Variants in DNAH10 observed in about 807,000 individuals in gnomAD.
The protein encoded by DNAH10 is dynein axonemal heavy chain 10.
Under a neutral mutation model 506.6 loss-of-function variants are expected in DNAH10, and 348 were observed. That is an observed-to-expected ratio of 0.69 (90% CI 0.63 to 0.75). The LOEUF (loss-of-function observed/expected upper bound fraction) is 0.75, where lower values mean the gene tolerates loss of function less well. Among genes scored for constraint, DNAH10 ranks in the 30% least tolerant of loss-of-function variants. The pLI, the probability that DNAH10 is intolerant of heterozygous loss-of-function variation, is 0.00. For synonymous variants in DNAH10, 2,059 were observed against 2,198.6 expected (o/e 0.94, Z 1.78); for missense variants, 5,179 against 5,787.1 (o/e 0.89, Z 3.41).
At chr12:123,766,983 G>C (rs2135955964) in intron 1 of DNAH10, among the ~76,000 whole-genome samples, 1 of 147,696 alleles carries the variant, frequency 6.8e-6, no homozygotes, top group Admixed American at 6.8e-5. Flanking sequence ...TCGGCTCACT[G>C]CAACCTCCGC....
chr12:123,774,032 C>A (rs1237427302), intron 4 of DNAH10, 117 bp from the exon 5 acceptor site: 10 of 705,466 alleles, frequency 1.4e-5, no homozygotes, highest in Non-Finnish European at 2.1e-5. Context: ...GAATCTGTAA[C>A]CAGAACATTC....
rs139719970 is a variant in DNAH10 at position 123,767,984 on chromosome 12, A to AG, written c.298+297dup. 2.7e-4 allele frequency among the ~76,000 whole-genome samples: 41 copies of AG among 152,248 alleles called. No homozygotes were observed. In the East Asian group the frequency reaches 7.5e-3, roughly 28 times the overall value. On this transcript the variant is annotated intron_variant, in intron 2 of 78. Coordinates refer to ENST00000673944, the MANE Select transcript of DNAH10 (RefSeq NM_001372106.1). The stretch of plus-strand genomic sequence containing the variant: ...GCGCTCCCTCTGCAGGACCAAGGGG[A>AG]GGATCCTTCCTAGCCTCCTCACTGC...
rs1954890783 is a variant in DNAH10 at position 123,925,205 on chromosome 12, G to GT, written c.11921+2dup. ...ATGTGACTGTAACAATGGGAGAGAAGTAAGTGTGTCGTTTTGTTGATTTGC... is the reference window on the plus strand; with the variant it reads ...ATGTGACTGTAACAATGGGAGAGAAGTTAAGTGTGTCGTTTTGTTGATTTGC... On this transcript the variant is annotated splice_donor_variant, in intron 68 of 78. Transcript: ENST00000673944. LOFTEE classifies it high-confidence loss of function. This position sits in a 1 kb window ranked among gnomAD's most constrained non-coding sequence, Gnocchi z 4.0. The GT allele has an allele frequency of 2.5e-6, 4 of 1,613,822 alleles. No individual in the cohort carries two copies. The highest frequency in any genetic ancestry group is 2.5e-6 in the Non-Finnish European group (3 of 1,179,830).
At chr12:123,771,556 C>T in intron 2 of DNAH10, 45 bp from the exon 3 acceptor site, 1 of 1,554,312 alleles carries the variant, frequency 6.4e-7, no homozygotes, top group African/African-American at 1.4e-5. Context: ...GGTAGGAAAC[C>T]TAATTTTCTG....
At position 123,801,310 on chromosome 12, in the gene DNAH10, AT is replaced by A; in HGVS notation, c.2493del (p.His832IlefsTer6). ...RYTAGIQRMLDHYHMLIGTLN... is the reference protein window; with the variant it reads ...RYTAGIQRMLXHYHMLIGTLN... ...ACAGCTGGGATACAGCGCATGTTGGATCATTATCACATGCTCATAGGAACGT... is the reference window on the plus strand; with the variant it reads ...ACAGCTGGGATACAGCGCATGTTGGACATTATCACATGCTCATAGGAACGT... On this transcript the variant is annotated frameshift_variant, in exon 16 of 79. Transcript: ENST00000673944. LOFTEE classifies it high-confidence loss of function. 1 of 1,614,098 alleles carries A rather than the reference AT, an allele frequency of 6.2e-7. No homozygotes were observed. The highest frequency in any genetic ancestry group is 8.5e-7 in the Non-Finnish European group (1 of 1,179,994).
At chr12:123,835,311 A>G in intron 27 of DNAH10, 95 bp from the exon 28 acceptor site, 15 of 1,436,976 alleles carry the variant, frequency 1.0e-5, no homozygotes, top group Non-Finnish European at 1.4e-5. Context: ...ACCTGAGTTG[A>G]TTTGGTTCTG....
In DNAH10 at chr12:123,846,105, G is replaced by A; in HGVS notation, c.5765G>A (p.Arg1922Lys). 6.2e-7 allele frequency: 1 copy of A among 1,613,968 alleles called. No individual in the cohort carries two copies. The highest frequency in any genetic ancestry group is 8.5e-7 in the Non-Finnish European group (1 of 1,179,894). The change falls in exon 32 of 79, where the codon AGG becomes AAG. Residue 1922 changes from arginine (R) to lysine (K), a missense_variant. Arg to Lys is a conservative substitution (Grantham distance 26, BLOSUM62 2). Coordinates refer to ENST00000673944, the MANE Select transcript of DNAH10 (RefSeq NM_001372106.1). The surrounding 1 kb of genome is among the most constrained non-coding windows in gnomAD (Gnocchi z 4.5). Reference protein sequence around the residue: ...YGYEYMGLNGRLVITPLTDRI... With the variant: ...YGYEYMGLNGKLVITPLTDRI... Reference sequence around the variant, plus strand: ...TACGAGTACATGGGCCTGAACGGCAGGCTGGTCATCACGCCCCTCACCGAT... The same window carrying A: ...TACGAGTACATGGGCCTGAACGGCAAGCTGGTCATCACGCCCCTCACCGAT...
At position 123,913,505 on chromosome 12, in the gene DNAH10, CTGAG is replaced by C. The variant is rs1954328454; in HGVS notation, c.10352+193_10352+196del. Among the ~76,000 whole-genome samples, 1 of 152,256 alleles carries C rather than the reference CTGAG, an allele frequency of 6.6e-6. No individual in the cohort carries two copies. The highest frequency in any genetic ancestry group is 6.5e-5 in the Admixed American group (1 of 15,294). The stretch of plus-strand genomic sequence containing the variant: ...TATAGGCTCTTGTTTGTATTAGGCA[CTGAG>C]TGTTATTTATTAATTACTAAGGGTC... On this transcript the variant is annotated intron_variant, in intron 60 of 78. Transcript: ENST00000673944. This position sits in a 1 kb window ranked among gnomAD's most constrained non-coding sequence, Gnocchi z 5.1.
intron 1 of DNAH10, 98 bp from the exon 2 acceptor site, chr12:123,767,508 T>C (rs1957091847): frequency 8.4e-7 from 1 of 1,191,012 alleles, no homozygotes. Flanking sequence ...GTGGGCCACA[T>C]ACCAACCCCT....
chr12:123,828,371 T>C (rs1031817262), intron 25 of DNAH10, among the ~76,000 whole-genome samples: 1 of 152,050 alleles, frequency 6.6e-6, no homozygotes, highest in African/African-American at 2.4e-5. Flanking sequence ...TGAGAGGGGA[T>C]TCTGGCCAAG....
rs1036337610 is a variant in DNAH10, at chr12:123,919,001, C to T, written c.11506+52C>T. The T allele has an allele frequency of 2.4e-5, 36 of 1,488,876 alleles. No homozygotes were observed. The highest frequency in any genetic ancestry group is 1.7e-4 in the South Asian group (12 of 69,534). 92.2% of individuals were successfully genotyped at this position (1,488,876 alleles called of 1,614,324 possible). ...TGTTAGTGTAGTTTGGTGTGCCAGA[C>T]GTGGCTTTAAGGAAACGTGATCTGT... On this transcript the variant is annotated intron_variant, in intron 65 of 78. Coordinates refer to ENST00000673944, the MANE Select transcript of DNAH10 (RefSeq NM_001372106.1). This position sits in a 1 kb window ranked among gnomAD's most constrained non-coding sequence, Gnocchi z 4.9.
intron 23 of DNAH10, among the ~76,000 whole-genome samples, 158 bp downstream of exon 23, chr12:123,819,408 T>TAA (rs376254652): frequency 7.0e-6 from 1 of 143,012 alleles, no homozygotes; most frequent in Non-Finnish European, 1.5e-5. Flanking sequence ...GTGGTCACAT[T>TAA]AAAAAAAAAA....
intron 19 of DNAH10, among the ~76,000 whole-genome samples, chr12:123,812,470 A>G (rs772285273): frequency 2.0e-5 from 3 of 152,114 alleles, no homozygotes; most frequent in Non-Finnish European, 4.4e-5. Flanking sequence ...AACAAAACAA[A>G]CAAACAAACA....
Position 123,804,834 on chromosome 12 carries a change from C to T in DNAH10, c.2781C>T (p.Gly927=), listed in dbSNP as rs754624680. The T allele has an allele frequency of 9.9e-6, 16 of 1,608,878 alleles. No homozygotes were observed. The Admixed American group carries it at 1.0e-4, about 10-fold the overall frequency. The part of the protein sequence containing the change: ...PAAKSEEELP[G]VKEFFEHIER... ...TCTAACAGACATCTTTCTCTCCAGGCGTGAAGGAATTTTTTGAACACATTG... is the reference window on the plus strand; with the variant it reads ...TCTAACAGACATCTTTCTCTCCAGGTGTGAAGGAATTTTTTGAACACATTG... Residue 927 remains glycine (G), a splice_region_variant and synonymous_variant, in exon 18 of 79, where the codon GGC becomes GGT. Coordinates refer to ENST00000673944, the MANE Select transcript of DNAH10 (RefSeq NM_001372106.1).
At chr12:123,905,224 G>T (rs563304734) in intron 57 of DNAH10, among the ~76,000 whole-genome samples, 1 of 152,294 alleles carries the variant, frequency 6.6e-6, no homozygotes, top group East Asian at 1.9e-4. Context: ...ACATTCCATT[G>T]TGTGGCTGTG....
chr12:123,913,012 T>G lies in DNAH10; in HGVS notation c.10135-86T>G. 1.5e-6 allele frequency: 2 copies of G among 1,297,484 alleles called. No individual in the cohort carries two copies. The highest frequency in any genetic ancestry group is 2.1e-6 in the Non-Finnish European group (2 of 935,408). The allele number at this position is 1,297,484 out of a possible 1,614,324, so 80.4% of individuals were successfully genotyped here. ...AAGCACAGACACCATTAGAGCAGTTTAGACATGTGGCCTGGTTTGAGGCCA... is the reference window on the plus strand; with the variant it reads ...AAGCACAGACACCATTAGAGCAGTTGAGACATGTGGCCTGGTTTGAGGCCA... On this transcript the variant is annotated intron_variant, in intron 59 of 78. Coordinates refer to ENST00000673944, the MANE Select transcript of DNAH10 (RefSeq NM_001372106.1). This position sits in a 1 kb window ranked among gnomAD's most constrained non-coding sequence, Gnocchi z 5.1.
chr12:123,922,848 C>T (rs1450831025), intron 65 of DNAH10: 1 of 152,130 alleles, frequency 6.6e-6, no homozygotes, highest in African/African-American at 2.4e-5. Context: ...CTCATTTGAA[C>T]TTAATCACCT....
Position 123,785,626 on chromosome 12 carries a change from T to C in DNAH10, c.1231-120T>C. On this transcript the variant is annotated intron_variant, in intron 8 of 78. Transcript: ENST00000673944. This position sits in a 1 kb window ranked among gnomAD's most constrained non-coding sequence, Gnocchi z 4.1. ...TGCACTCCAGCCTGGGCACCAGACT[T>C]GGTCTCAAGGAAAAAAAAAAAAAAA... 1 of 954,784 alleles carries C rather than the reference T, an allele frequency of 1.0e-6. No individual in the cohort carries two copies. The allele number at this position is 954,784 out of a possible 1,614,324, so 59.1% of individuals were successfully genotyped here.
chr12:123,863,235 A>G (rs1169534747), intron 39 of DNAH10, among the ~76,000 whole-genome samples: 1 of 152,198 alleles, frequency 6.6e-6, no homozygotes, highest in Non-Finnish European at 1.5e-5. Flanking sequence ...CACCCATTAT[A>G]GCCACAAAAT....
Sources: allele counts gnomAD v4.1 joint callset (sites outside exome capture counted in the v4.1 genomes callset), GRCh38; gene constraint gnomAD v4.1.1; non-coding constraint Gnocchi (gnomAD v3.1); transcripts MANE v1.5; gene names NCBI Gene and HGNC (gene_info 2026-07-23, HGNC 2026-07-21).